Variants in INPP5F observed in about 807,000 individuals in gnomAD.
INPP5F encodes inositol polyphosphate-5-phosphatase F, also known as phosphatidylinositide 4-phosphatase SAC2.
Under a neutral mutation model 137.2 loss-of-function variants are expected in INPP5F, and 97 were observed. That is an observed-to-expected ratio of 0.71 (90% CI 0.60 to 0.84). INPP5F has a LOEUF of 0.84. Among genes scored for constraint, INPP5F ranks in the 40% least tolerant of loss-of-function variants. The probability of loss-of-function intolerance (pLI) is 0.00; values close to 1 mark genes in which losing one functional copy is unlikely to be tolerated. For missense variants in INPP5F, 1,271 were observed against 1,371.9 expected (o/e 0.93, Z 1.16); for synonymous variants, 504 against 476.9 (o/e 1.06, Z -0.74).
chr10:119,785,567 A>AGAGAGAGAGAGACT (rs1849873082), intron 3 of INPP5F, among the ~76,000 whole-genome samples: 3 of 150,866 alleles, frequency 2.0e-5, no homozygotes, highest in Non-Finnish European at 4.4e-5. Context: ...AGAGAGAGAG[A>AGAGAGAGAGAGACT]GAGAGAGAGA....
chr10:119,822,360 T>A (rs1322793158), intron 16 of INPP5F, 71 bp from the exon 17 acceptor site: 2 of 734,118 alleles, frequency 2.7e-6, no homozygotes, highest in Non-Finnish European at 2.3e-6. Flanking sequence ...TTGCAGCTAT[T>A]ATGCCTTCCC....
In INPP5F at chr10:119,807,932, C is replaced by G. The variant is rs747554547; in HGVS notation, c.1441C>G (p.Leu481Val). 3 of 1,607,320 alleles carry G rather than the reference C, an allele frequency of 1.9e-6. No homozygotes were observed. In the African/African-American group the frequency reaches 4.0e-5, roughly 22 times the overall value. ...TAATCCACCAATGTGTTCATTTTAG[C>G]TGAAAAAATTAGGTGTGATGCCCCC... is the stretch of plus-strand genomic sequence containing the variant. ...AIARVVMEQQ[L>V]KKLGVMPPEQ... The change falls in exon 13 of 20, where the codon CTG becomes GTG. Residue 481 changes from leucine to valine, a missense_variant and splice_region_variant. Leu to Val is a conservative substitution (Grantham distance 32). Coordinates refer to ENST00000650623, the MANE Select transcript of INPP5F (RefSeq NM_014937.4).
chr10:119,824,629 A>G (rs1249882120), intron 19 of INPP5F, among the ~76,000 whole-genome samples: 1 of 152,142 alleles, frequency 6.6e-6, no homozygotes, highest in African/African-American at 2.4e-5. Context: ...TTTCCTCTTT[A>G]TAATTGCTAA....
intron 2 of INPP5F, among the ~76,000 whole-genome samples, chr10:119,780,386 G>T (rs1029104719): frequency 1.3e-5 from 2 of 152,044 alleles, no homozygotes; most frequent in Non-Finnish European, 2.9e-5. Flanking sequence ...ACCAGCTGGG[G>T]CAACATGGCA....
At chr10:119,825,932 CTTTT>C (rs1290348513) in intron 19 of INPP5F, 1 of 398,406 alleles carries the variant, frequency 2.5e-6, no homozygotes, top group African/African-American at 2.1e-5. Context: ...ATAGCATCAA[CTTTT>C]CTTTCTTATT....
At chr10:119,824,468 C>T (rs1194616455) in intron 19 of INPP5F, among the ~76,000 whole-genome samples, 2 of 152,120 alleles carry the variant, frequency 1.3e-5, no homozygotes, top group African/African-American at 4.8e-5. Flanking sequence ...TATGCATGGT[C>T]AGGAAGGACA....
At chr10:119,825,037 A>G (rs553978247) in intron 19 of INPP5F, among the ~76,000 whole-genome samples, 103 of 152,354 alleles carry the variant, frequency 6.8e-4, no homozygotes, top group Non-Finnish European at 1.2e-3. Flanking sequence ...CTTGGAAAAC[A>G]TACTCCTTTA....
chr10:119,827,856 T>C lies in INPP5F; in HGVS notation c.*76T>C. 9.2e-7 allele frequency: 1 copy of C among 1,082,666 alleles called. No homozygotes were observed. Among genetic ancestry groups the C allele is most frequent in the Non-Finnish European group, 1.3e-6 (1 of 749,970 alleles). 67.1% of individuals were successfully genotyped at this position (1,082,666 alleles called of 1,614,324 possible). ...TTCACCTCTTGGGGTATTTTAATTG[T>C]ACTGTCTGAACCCAGGGATCACAAA... On this transcript the variant is annotated 3_prime_UTR_variant, in exon 20 of 20. Transcript: ENST00000650623.
Position 119,827,270 on chromosome 10 carries a change from T to G in INPP5F, c.2889T>G (p.Phe963Leu). 6.2e-7 allele frequency: 1 copy of G among 1,614,184 alleles called. No homozygotes were observed. Among genetic ancestry groups the G allele is most frequent in the Non-Finnish European group, 8.5e-7 (1 of 1,180,042 alleles). Reference protein sequence around the residue: ...AKPMDIYCHRFVQDAQNKVTH... With the variant: ...AKPMDIYCHRLVQDAQNKVTH... ...CTATGGATATTTACTGCCACAGATTTGTGCAAGATGCACAGAACAAAGTGA... is the reference window on the plus strand; with the variant it reads ...CTATGGATATTTACTGCCACAGATTGGTGCAAGATGCACAGAACAAAGTGA... Residue 963 changes from phenylalanine to leucine, a missense_variant, in exon 20 of 20, where the codon TTT becomes TTG. By Grantham distance (22) the Phe-to-Leu change is conservative. Around this residue, in one of 6 missense-constraint regions of INPP5F, gnomAD observed 490 missense variants for 443.7 expected, o/e 1.10. Coordinates refer to ENST00000650623, the MANE Select transcript of INPP5F (RefSeq NM_014937.4).
At chr10:119,734,760 C>G (rs1411147412) in intron 1 of INPP5F, among the ~76,000 whole-genome samples, 1 of 152,152 alleles carries the variant, frequency 6.6e-6, no homozygotes, top group African/African-American at 2.4e-5. Flanking sequence ...CTCTGTGTGT[C>G]TTTTTGTAAA....
intron 15 of INPP5F, among the ~76,000 whole-genome samples, chr10:119,812,378 C>CTTTTT (rs201760506): frequency 6.9e-6 from 1 of 145,540 alleles, no homozygotes; most frequent in Non-Finnish European, 1.5e-5. Flanking sequence ...AACTAATATT[C>CTTTTT]TTTTTTTTTT....
chr10:119,817,858 A>G (rs949493675), intron 15 of INPP5F, among the ~76,000 whole-genome samples: 1 of 152,226 alleles, frequency 6.6e-6, no homozygotes, highest in African/African-American at 2.4e-5. Flanking sequence ...TATTGCACCA[A>G]TTGTCTTGTT....
Position 119,827,014 on chromosome 10 carries a change from C to T in INPP5F, c.2633C>T (p.Ser878Leu). The change falls in exon 20 of 20, where the codon TCA becomes TTA. Residue 878 changes from serine to leucine, a missense_variant. Coordinates refer to ENST00000650623, the MANE Select transcript of INPP5F (RefSeq NM_014937.4). Reference protein sequence around the residue: ...KSDEDRQLANSLESVGPIDYV... With the variant: ...KSDEDRQLANLLESVGPIDYV... ...GATGAAGACAGGCAGCTAGCTAACTCATTAGAGAGTGTAGGGCCAATAGAT... is the reference window on the plus strand; with the variant it reads ...GATGAAGACAGGCAGCTAGCTAACTTATTAGAGAGTGTAGGGCCAATAGAT... 1.2e-6 allele frequency: 2 copies of T among 1,614,128 alleles called. No individual in the cohort carries two copies. Among genetic ancestry groups the T allele is most frequent in the Middle Eastern group, 3.3e-4 (2 of 6,062 alleles).
At chr10:119,728,107 A>T (rs999949582) in intron 1 of INPP5F, among the ~76,000 whole-genome samples, 1 of 152,250 alleles carries the variant, frequency 6.6e-6, no homozygotes, top group South Asian at 2.1e-4. Flanking sequence ...CCATGTCAGA[A>T]GGCAAATTTA....
At chr10:119,747,015 C>T (rs1564805582) in intron 1 of INPP5F, among the ~76,000 whole-genome samples, 1 of 151,732 alleles carries the variant, frequency 6.6e-6, no homozygotes, top group Non-Finnish European at 1.5e-5. Context: ...TCTCGAACTC[C>T]TGACCTCAAG....
chr10:119,760,183 C>T (rs1260846435), intron 2 of INPP5F, among the ~76,000 whole-genome samples: 1 of 152,202 alleles, frequency 6.6e-6, no homozygotes, highest in Non-Finnish European at 1.5e-5. Context: ...CACTCTCATT[C>T]CTTTTTCTAG....
chr10:119,747,227 TA>T (rs1425973151), intron 1 of INPP5F, among the ~76,000 whole-genome samples: 1 of 152,100 alleles, frequency 6.6e-6, no homozygotes, highest in Non-Finnish European at 1.5e-5. Flanking sequence ...TCAAAATTAT[TA>T]ATTTTTTTTT....
At position 119,726,063 on chromosome 10, in the gene INPP5F, GGCCGCCGCTGCC is replaced by G. The variant is rs1001044421; in HGVS notation, c.-186_-175del. 82 of 365,898 alleles carry G rather than the reference GGCCGCCGCTGCC, an allele frequency of 2.2e-4. No individual in the cohort carries two copies. Among genetic ancestry groups the G allele is most frequent in the Middle Eastern group, 7.3e-4 (1 of 1,364 alleles). The allele number at this position is 365,898 out of a possible 1,614,324, so 22.7% of individuals were successfully genotyped here. On this transcript the variant is annotated 5_prime_UTR_variant, in exon 1 of 20. Transcript: ENST00000650623. ...AGGAGCGGGGGGGAGAGGCCTCTAC[GGCCGCCGCTGCC>G]GCCGCCGCTGCCGGGGCGCGTTCTC...
intron 6 of INPP5F, among the ~76,000 whole-genome samples, chr10:119,795,104 ACGGGGCGGC>A (rs1349571176): frequency 2.1e-4 from 24 of 113,194 alleles, no homozygotes; most frequent in African/African-American, 7.9e-4. Context: ...TCCCTCCCGG[ACGGGGCGGC>A]TGGCCGGGCG....
Sources: allele counts gnomAD v4.1 joint callset (sites outside exome capture counted in the v4.1 genomes callset), GRCh38; gene constraint gnomAD v4.1.1; regional missense constraint gnomAD v4.1.1; transcripts MANE v1.5; gene names NCBI Gene and HGNC (gene_info 2026-07-23, HGNC 2026-07-21).